TTLL12: variants seen among roughly 807,000 people sequenced by gnomAD.
TTLL12 encodes the protein tubulin tyrosine ligase like 12, also known as tubulin--tyrosine ligase-like protein 12.
Under a neutral mutation model 79.6 loss-of-function variants are expected in TTLL12, and 77 were observed. That is an observed-to-expected ratio of 0.97 (90% CI 0.81 to 1.17). The LOEUF (loss-of-function observed/expected upper bound fraction) is 1.17, where lower values mean the gene tolerates loss of function less well. TTLL12 is among the 50% of genes most tolerant of loss of function. The probability of loss-of-function intolerance (pLI) is 0.00; values close to 1 mark genes in which losing one functional copy is unlikely to be tolerated. For synonymous variants in TTLL12, 437 were observed against 376.1 expected, an observed-to-expected ratio of 1.16 and a Z score of -1.87; for missense variants, 969 against 895.9, an observed-to-expected ratio of 1.08 and a Z score of -1.04.
In TTLL12 at chr22:43,172,566, A is replaced by G; in HGVS notation, c.1342-12T>C. 6.2e-7 allele frequency: 1 copy of G among 1,613,998 alleles called. No individual in the cohort carries two copies. Among genetic ancestry groups the G allele is most frequent in the East Asian group, 2.2e-5 (1 of 44,882 alleles). On this transcript the variant is annotated splice_polypyrimidine_tract_variant and intron_variant, in intron 9 of 13. Transcript: ENST00000216129. ...TACTTGGACACAACCTGGAGGACACAGGTGCAAGCTCGCTGGTGGCCAGGA... is the reference window on the plus strand; with the variant it reads ...TACTTGGACACAACCTGGAGGACACGGGTGCAAGCTCGCTGGTGGCCAGGA...
rs1193512416 is a variant in TTLL12 at position 43,174,303 on chromosome 22, C to G, written c.1135G>C (p.Gly379Arg). ...AGCCAGGGTGGGCCCTCGGGGCCAC[C>G]TGCCCGGCGCGCGATGGAGGCCAGG... ...DCLASIARRA[G>R]GPEGPPWLPR... The change falls in exon 8 of 14, where the codon GGT becomes CGT. Residue 379 changes from glycine (G) to arginine (R), a missense_variant. Transcript: ENST00000216129. 1.2e-6 allele frequency: 2 copies of G among 1,610,762 alleles called. No individual in the cohort carries two copies. The highest frequency in any genetic ancestry group is 8.5e-7 in the Non-Finnish European group (1 of 1,179,188).
At chr22:43,168,214 G>C in intron 13 of TTLL12, 55 bp from the exon 14 acceptor site, 1 of 1,585,802 alleles carries the variant, frequency 6.3e-7, no homozygotes, top group South Asian at 1.1e-5. Context: ...CACTCTGCAG[G>C]GACAGTGGCC....
At chr22:43,173,930 G>T in intron 8 of TTLL12, 104 bp from the exon 9 acceptor site, 1 of 1,095,396 alleles carries the variant, frequency 9.1e-7, no homozygotes, top group Non-Finnish European at 1.3e-6. Flanking sequence ...TTCTCCTTGG[G>T]AGCTGAGGGG....
chr22:43,168,535 G>A (rs560866641), intron 13 of TTLL12, among the ~76,000 whole-genome samples: 7 of 152,128 alleles, frequency 4.6e-5, no homozygotes, highest in African/African-American at 1.7e-4. Context: ...CCTTTCACAC[G>A]GGTCTCCTGT....
At chr22:43,180,647 C>G (rs1932031729) in intron 3 of TTLL12, 95 bp downstream of exon 3, 1 of 1,397,464 alleles carries the variant, frequency 7.2e-7, no homozygotes, top group African/African-American at 1.4e-5. Context: ...GTTGCTTGCT[C>G]TGGCCGGCCC....
At chr22:43,184,678 G>T (rs1463166696) in intron 1 of TTLL12, among the ~76,000 whole-genome samples, 3 of 152,210 alleles carry the variant, frequency 2.0e-5, no homozygotes, top group Non-Finnish European at 4.4e-5. Context: ...GTTTAGGGCT[G>T]GGGGGAGGCT....
At chr22:43,186,858 C>CGGCCGCCGCACGT in intron 1 of TTLL12, 35 bp downstream of exon 1, 1 of 1,250,488 alleles carries the variant, frequency 8.0e-7, no homozygotes, top group South Asian at 2.8e-5. Flanking sequence ...GCTCCCACCC[C>CGGCCGCCGCACGT]GGCCGCCGCA....
At chr22:43,169,339 A>G (rs1197720971) in intron 12 of TTLL12, among the ~76,000 whole-genome samples, 161 bp downstream of exon 12, 1 of 152,090 alleles carries the variant, frequency 6.6e-6, no homozygotes, top group Non-Finnish European at 1.5e-5. Context: ...AAGGGAGGGG[A>G]GCCCACGCTG....
chr22:43,168,437 A>AAC, intron 13 of TTLL12, among the ~76,000 whole-genome samples: 1 of 151,584 alleles, frequency 6.6e-6, no homozygotes, highest in Non-Finnish European at 1.5e-5. Context: ...GTAAAAAAAA[A>AAC]AAAAAGTAGA....
intron 6 of TTLL12, 113 bp downstream of exon 6, chr22:43,176,207 A>G (rs979732896): frequency 1.5e-5 from 12 of 778,872 alleles, no homozygotes; most frequent in Admixed American, 4.1e-5. Context: ...GATGCGGCTG[A>G]CTTGCTGCGT....
chr22:43,167,873 G>A lies in TTLL12; in HGVS notation c.*135C>T, dbSNP rs1368961785. ...GAGTGTGGCGCCGGGAGGATGGCTC[G>A]GCAGGACAGAGGCCTGGGGCTGAGG... On this transcript the variant is annotated 3_prime_UTR_variant, in exon 14 of 14. Transcript: ENST00000216129. 1.9e-5 allele frequency: 22 copies of A among 1,165,892 alleles called. No homozygotes were observed. The highest frequency in any genetic ancestry group is 7.2e-5 in the East Asian group (3 of 41,808). 72.2% of individuals were successfully genotyped at this position (1,165,892 alleles called of 1,614,324 possible).
At position 43,176,601 on chromosome 22, in the gene TTLL12, G is replaced by A. The variant is rs372641161; in HGVS notation, c.841-205C>T. ...AAAAATTAGCCAGGCATGGTGGCGC[G>A]TGCCTGTAATTCCAGCTACTCGGGA... On this transcript the variant is annotated intron_variant, in intron 5 of 13. Coordinates refer to ENST00000216129, the MANE Select transcript of TTLL12 (RefSeq NM_015140.4). 1.2e-3 allele frequency among the ~76,000 whole-genome samples: 188 copies of A among 151,996 alleles called. 1 individual carries two copies. The highest frequency in any genetic ancestry group is 1.9e-3 in the East Asian group (10 of 5,144).
At chr22:43,174,425 G>A (rs373135111) in intron 7 of TTLL12, 22 bp from the exon 8 acceptor site, 67 of 1,559,188 alleles carry the variant, frequency 4.3e-5, no homozygotes, top group Admixed American at 7.2e-5. Flanking sequence ...AGGCAGGTGC[G>A]CCAGCTCAAG....
At chr22:43,179,792 G>A (rs779586978) in intron 4 of TTLL12, 40 bp from the exon 5 acceptor site, 23 of 1,548,680 alleles carry the variant, frequency 1.5e-5, no homozygotes, top group Non-Finnish European at 1.9e-5. Flanking sequence ...GGGGTGACGG[G>A]ACACTGGGCT....
chr22:43,177,382 A>T (rs1424549024), intron 5 of TTLL12, among the ~76,000 whole-genome samples: 12 of 152,036 alleles, frequency 7.9e-5, no homozygotes, highest in African/African-American at 1.9e-4. Flanking sequence ...AAAAATTAAA[A>T]AAAAAAAAAG....
intron 5 of TTLL12, among the ~76,000 whole-genome samples, chr22:43,178,736 C>G (rs557610976): frequency 6.6e-5 from 10 of 152,344 alleles, no homozygotes; most frequent in African/African-American, 2.4e-4. Context: ...TGGGGGCAAG[C>G]CTGCAGCCTC....
Position 43,176,168 on chromosome 22 carries a change from CTGCACG to C in TTLL12, c.917+146_917+151del. The C allele has an allele frequency of 9.3e-6, 6 of 642,188 alleles. No homozygotes were observed. The South Asian group carries it at 1.1e-4, about 11-fold the overall frequency. The allele number at this position is 642,188 out of a possible 1,614,324, so 39.8% of individuals were successfully genotyped here. Reference sequence around the variant, plus strand: ...TCTGGGGTCCCAAGAACTCCACTCCCTGCACGTGTCACTGCTGTGCCCAGACAGGAT... The same window carrying C: ...TCTGGGGTCCCAAGAACTCCACTCCCTGTCACTGCTGTGCCCAGACAGGAT... On this transcript the variant is annotated intron_variant, in intron 6 of 13. Coordinates refer to ENST00000216129, the MANE Select transcript of TTLL12 (RefSeq NM_015140.4).
In TTLL12 at chr22:43,167,372, C is replaced by T; in HGVS notation, c.*636G>A. On this transcript the variant is annotated 3_prime_UTR_variant, in exon 14 of 14. Coordinates refer to ENST00000216129, the MANE Select transcript of TTLL12 (RefSeq NM_015140.4). ...CAAGACGGTGGCCTCCTGCCAGGAC[C>T]TCAGCAGGAGGTTTGCTGGTGAAGG... The T allele has an allele frequency of 3.2e-6, 1 of 315,972 alleles. No individual in the cohort carries two copies. Among genetic ancestry groups the T allele is most frequent in the Admixed American group, 4.5e-5 (1 of 22,366 alleles). The allele number at this position is 315,972 out of a possible 1,614,324, so 19.6% of individuals were successfully genotyped here. A position where few individuals can be genotyped will look rare whatever the true frequency, so the allele number is the denominator to read the frequency against.
At position 43,183,076 on chromosome 22, in the gene TTLL12, C is replaced by T. The variant is rs767237272; in HGVS notation, c.251G>A (p.Arg84Gln). Residue 84 changes from arginine to glutamine, a missense_variant, in exon 2 of 14, where the codon CGG becomes CAG. Physicochemically the swap from Arg to Gln is conservative, Grantham distance 43. Transcript: ENST00000216129. ...EVEEEEDEAAREVRKQQPNPG... is the reference protein window; with the variant it reads ...EVEEEEDEAAQEVRKQQPNPG... The stretch of plus-strand genomic sequence containing the variant: ...GTTGGGCTGCTGCTTCCGCACCTCC[C>T]GGGCTGCCTCGTCCTCCTCCTCTTC... 5.5e-5 allele frequency: 89 copies of T among 1,613,878 alleles called. 1 individual carries two copies. The East Asian group carries it at 8.2e-4, about 15-fold the overall frequency.
Sources: gnomAD v4.1 joint callset for allele counts (sites outside exome capture counted in the v4.1 genomes callset) on GRCh38, gnomAD v4.1.1 for gene constraint, MANE v1.5 for transcripts, NCBI Gene and HGNC (gene_info 2026-07-23, HGNC 2026-07-21) for gene names.